FRMD6: variants seen among roughly 807,000 people sequenced by gnomAD.
The protein encoded by FRMD6 is FERM domain-containing protein 6.
A neutral mutation model predicts 73.2 loss-of-function variants in FRMD6; 37 were observed. The observed-to-expected ratio is 0.51, with a 90% confidence interval of 0.39 to 0.66. The LOEUF (loss-of-function observed/expected upper bound fraction) is 0.66. FRMD6 is among the 30% of genes least tolerant of loss of function. The pLI is 0.00. For synonymous variants in FRMD6, 273 were observed against 282.2 expected, an observed-to-expected ratio of 0.97 and a Z score of 0.33; for missense variants, 714 against 780.5, an observed-to-expected ratio of 0.91 and a Z score of 1.02.
intron 3 of FRMD6, among the ~76,000 whole-genome samples, chr14:51,700,032 A>G (rs968493228): frequency 4.0e-5 from 6 of 151,718 alleles, no homozygotes; most frequent in African/African-American, 9.7e-5. Flanking sequence ...TACCCTTCCT[A>G]TTTTCTTCTG....
At chr14:51,412,822 A>C in the FRMD6 span, among the ~76,000 whole-genome samples, 1 of 151,942 alleles carries the variant, frequency 6.6e-6, no homozygotes. Context: ...ACTGCACTCC[A>C]GTCTGGGCGA....
intron 1 of FRMD6, among the ~76,000 whole-genome samples, chr14:51,500,399 C>T (rs1282276860): frequency 3.9e-5 from 6 of 152,038 alleles, no homozygotes; most frequent in African/African-American, 1.5e-4. Flanking sequence ...TGGTGGCACG[C>T]GTCTGTAATC....
the FRMD6 span, among the ~76,000 whole-genome samples, chr14:51,445,631 C>T: frequency 2.0e-5 from 3 of 152,138 alleles, no homozygotes; most frequent in Admixed American, 2.0e-4. Flanking sequence ...CTGCTAACAC[C>T]TCATCAGAGA....
At position 51,729,176 on chromosome 14, in the gene FRMD6, A is replaced by G. The variant is rs895643600; in HGVS notation, c.*1147A>G. On this transcript the variant is annotated 3_prime_UTR_variant, in exon 14 of 14. Transcript: ENST00000344768. ...TTTTGGGGGGAGCTTTTAAAAAATA[A>G]TGACTGAGTCTCCCACCAGACCGAT... 21 of 152,194 alleles carry G rather than the reference A, an allele frequency of 1.4e-4. No homozygotes were observed. 9.4% of individuals were successfully genotyped at this position (152,194 alleles called of 1,614,324 possible).
intron 1 of FRMD6, among the ~76,000 whole-genome samples, chr14:51,551,188 T>G (rs937870294): frequency 1.1e-4 from 16 of 152,328 alleles, no homozygotes; most frequent in Middle Eastern, 3.4e-3. Context: ...TATTTGCCAC[T>G]GGAAACTGAC....
intron 2 of FRMD6, chr14:51,575,946 C>T (rs1888379318): frequency 6.6e-6 from 1 of 152,292 alleles, no homozygotes; most frequent in Non-Finnish European, 1.5e-5. Context: ...ACCCCATCAG[C>T]ACCAGGCCAC....
At chr14:51,526,280 C>T (rs1196068617) in intron 1 of FRMD6, among the ~76,000 whole-genome samples, 1 of 152,174 alleles carries the variant, frequency 6.6e-6, no homozygotes, top group Non-Finnish European at 1.5e-5. Flanking sequence ...TGTCTCCTCA[C>T]CCTTATCACC....
At chr14:51,541,327 G>T (rs1333402171) in intron 1 of FRMD6, among the ~76,000 whole-genome samples, 1 of 151,966 alleles carries the variant, frequency 6.6e-6, no homozygotes, top group Admixed American at 6.6e-5. Context: ...TGCTATTTTG[G>T]TTCCATAAAT....
intron 10 of FRMD6, among the ~76,000 whole-genome samples, chr14:51,719,432 A>C (rs1182021506): frequency 6.6e-6 from 1 of 152,242 alleles, no homozygotes; most frequent in Non-Finnish European, 1.5e-5. Context: ...ATGAAAATCC[A>C]AATTTTAGAA....
chr14:51,501,625 G>A (rs982288404), intron 1 of FRMD6, among the ~76,000 whole-genome samples: 3 of 152,072 alleles, frequency 2.0e-5, no homozygotes, highest in Non-Finnish European at 2.9e-5. Context: ...TAACTGATGG[G>A]CATTTAGGTT....
At chr14:51,670,427 A>G (rs570251289) in intron 1 of FRMD6, among the ~76,000 whole-genome samples, 1 of 152,266 alleles carries the variant, frequency 6.6e-6, no homozygotes, top group South Asian at 2.1e-4. Context: ...TCTCCCAATG[A>G]TAATCAACTG....
intron 9 of FRMD6, chr14:51,714,807 C>T (rs1897154901): frequency 6.6e-6 from 1 of 152,162 alleles, no homozygotes; most frequent in Admixed American, 6.5e-5. Flanking sequence ...TGCCATTTCT[C>T]CTGCTGGGAT....
rs1555340786 is a variant in FRMD6, at chr14:51,721,753, A to AGGAAGGAGGGAAGGGAAGGAGGGAAGGAG, written c.1361-182_1361-181insGAAGGAGGGAAGGAGGGAAGGAGGGAAGG. 3.2e-3 allele frequency among the ~76,000 whole-genome samples: 347 copies of AGGAAGGAGGGAAGGGAAGGAGGGAAGGAG among 108,620 alleles called. 7 individuals carry two copies. The highest frequency in any genetic ancestry group is 0.011 in the African/African-American group (325 of 28,620). 71.3% of individuals were successfully genotyped at this position (108,620 alleles called of 152,430 possible). On this transcript the variant is annotated intron_variant, in intron 11 of 13. Coordinates refer to ENST00000344768, the MANE Select transcript of FRMD6 (RefSeq NM_001267046.2). Reference sequence around the variant, plus strand: ...AAGGGAGGGAGGAAGGAAGGGAGGAAGGAAGGAGGGAAGGAGGGAAGGAGT... The same window carrying AGGAAGGAGGGAAGGGAAGGAGGGAAGGAG: ...AAGGGAGGGAGGAAGGAAGGGAGGAAGGAAGGAGGGAAGGGAAGGAGGGAAGGAGGGAAGGAGGGAAGGAGGGAAGGAGT...
At chr14:51,683,174 T>C (rs1176098993) in intron 1 of FRMD6, among the ~76,000 whole-genome samples, 1 of 152,270 alleles carries the variant, frequency 6.6e-6, no homozygotes, top group Non-Finnish European at 1.5e-5. Context: ...GCTCATTTGC[T>C]ACATCTGGCT....
chr14:51,579,518 GTTTA>G (rs138218391), intron 2 of FRMD6, among the ~76,000 whole-genome samples: 3 of 152,228 alleles, frequency 2.0e-5, no homozygotes, highest in African/African-American at 7.2e-5. Flanking sequence ...CCAATAATGT[GTTTA>G]TTTGTTTACT....
At chr14:51,678,230 T>C (rs1894528078) in intron 1 of FRMD6, among the ~76,000 whole-genome samples, 1 of 152,142 alleles carries the variant, frequency 6.6e-6, no homozygotes, top group Admixed American at 6.6e-5. Flanking sequence ...AATAGCTGGC[T>C]AAGAGTCAGA....
chr14:51,677,469 T>G (rs1229229359), intron 1 of FRMD6, among the ~76,000 whole-genome samples: 1 of 152,116 alleles, frequency 6.6e-6, no homozygotes, highest in East Asian at 1.9e-4. Context: ...CAGATGCTTC[T>G]AAGTTGGAGG....
At chr14:51,686,630 G>C (rs1052023997) in intron 1 of FRMD6, among the ~76,000 whole-genome samples, 9 of 152,064 alleles carry the variant, frequency 5.9e-5, no homozygotes, top group African/African-American at 2.2e-4. Context: ...TTGTTCCCTG[G>C]AAAATATGTT....
At chr14:51,705,547 G>C (rs1896576548) in intron 6 of FRMD6, among the ~76,000 whole-genome samples, 1 of 152,062 alleles carries the variant, frequency 6.6e-6, no homozygotes, top group Non-Finnish European at 1.5e-5. Context: ...TCTTCAGTGA[G>C]AACATGCAAA....
Sources: gnomAD v4.1 joint callset for allele counts (sites outside exome capture counted in the v4.1 genomes callset) on GRCh38, gnomAD v4.1.1 for gene constraint, MANE v1.5 for transcripts, NCBI Gene and HGNC (gene_info 2026-07-23, HGNC 2026-07-21) for gene names.